CFAP20DC: variants seen among roughly 807,000 people sequenced by gnomAD.
CFAP20DC encodes the protein protein CFAP20DC.
CFAP20DC carries 84 observed loss-of-function variants against 101.7 expected under a neutral mutation model. The ratio of observed to expected loss-of-function variants is 0.83; its 90% CI spans 0.69 to 0.99. The LOEUF is 0.99. Ranked by LOEUF, CFAP20DC falls within the 50% of genes least tolerant of loss-of-function variation. The pLI, the probability that CFAP20DC is intolerant of heterozygous loss-of-function variation, is 0.00. For synonymous variants in CFAP20DC, 359 were observed against 351.2 expected (o/e 1.02, Z -0.25); for missense variants, 1,007 against 970.3 (o/e 1.04, Z -0.50).
At chr3:58,760,942 T>C (rs1223082407) in intron 15 of CFAP20DC, among the ~76,000 whole-genome samples, 2 of 152,202 alleles carry the variant, frequency 1.3e-5, no homozygotes, top group Non-Finnish European at 2.9e-5. Flanking sequence ...TTTGCCAGTA[T>C]TTTATTGAGG....
intron 15 of CFAP20DC, among the ~76,000 whole-genome samples, chr3:58,778,380 C>A (rs368516390): frequency 3.3e-5 from 5 of 152,184 alleles, no homozygotes; most frequent in African/African-American, 1.2e-4. Flanking sequence ...GGGTATTCCT[C>A]TTCGGGTGTG....
chr3:58,856,211 C>G (rs1046779443), intron 12 of CFAP20DC, among the ~76,000 whole-genome samples: 6 of 147,800 alleles, frequency 4.1e-5, no homozygotes, highest in African/African-American at 1.2e-4. Flanking sequence ...AATATTTCTT[C>G]TTGGTATTCA....
intron 15 of CFAP20DC, chr3:58,794,331 CT>C (rs2073077107): frequency 1.1e-5 from 5 of 455,448 alleles, no homozygotes; most frequent in Non-Finnish European, 1.8e-5. Context: ...GACCTAAAGG[CT>C]TTTAAAAATC....
At chr3:58,907,586 C>T (rs2107278266) in intron 6 of CFAP20DC, among the ~76,000 whole-genome samples, 1 of 152,242 alleles carries the variant, frequency 6.6e-6, no homozygotes. Flanking sequence ...CAGAGATGTT[C>T]AGAACTCATA....
intron 14 of CFAP20DC, among the ~76,000 whole-genome samples, chr3:58,829,015 T>G (rs967790856): frequency 1.3e-5 from 2 of 152,132 alleles, no homozygotes. Flanking sequence ...AATATGGATG[T>G]TGACATTATT....
intron 7 of CFAP20DC, among the ~76,000 whole-genome samples, chr3:58,880,373 G>A (rs961404049): frequency 2.6e-5 from 4 of 152,112 alleles, no homozygotes; most frequent in Non-Finnish European, 4.4e-5. Context: ...GACCTTTCCA[G>A]GCCATCACAG....
intron 4 of CFAP20DC, among the ~76,000 whole-genome samples, chr3:58,973,106 T>A (rs990119455): frequency 4.6e-5 from 7 of 152,230 alleles, no homozygotes; most frequent in Admixed American, 3.3e-4. Flanking sequence ...TTCTTTTCCA[T>A]GGGGATTATG....
chr3:58,970,799 T>C (rs2091904021), intron 4 of CFAP20DC: 1 of 152,184 alleles, frequency 6.6e-6, no homozygotes, highest in Non-Finnish European at 1.5e-5. Context: ...GATTTATAAA[T>C]GCAGGGTATT....
At chr3:58,851,570 T>A (rs934147737) in intron 12 of CFAP20DC, among the ~76,000 whole-genome samples, 1 of 152,110 alleles carries the variant, frequency 6.6e-6, no homozygotes, top group Admixed American at 6.6e-5. Context: ...TTCAAAAAGC[T>A]CCAGGAAATT....
At position 58,869,809 on chromosome 3, in the gene CFAP20DC, T is replaced by TA. The variant is rs1228319000; in HGVS notation, c.853-320dup. Reference sequence around the variant, plus strand: ...TCAGAAATTCGGAGGAAATTAAAAATAAAAAACCTAACATTTGAGAATCTG... The same window carrying TA: ...TCAGAAATTCGGAGGAAATTAAAAATAAAAAAACCTAACATTTGAGAATCTG... On this transcript the variant is annotated intron_variant, in intron 8 of 16. Coordinates refer to ENST00000482387, the MANE Select transcript of CFAP20DC (RefSeq NM_001394063.1). The surrounding 1 kb of genome is among the most constrained non-coding windows in gnomAD (Gnocchi z 4.3). 6.6e-6 allele frequency among the ~76,000 whole-genome samples: 1 copy of TA among 152,154 alleles called. No individual in the cohort carries two copies. Among genetic ancestry groups the TA allele is most frequent in the Non-Finnish European group, 1.5e-5 (1 of 68,004 alleles).
At position 58,859,997 on chromosome 3, in the gene CFAP20DC, T is replaced by A. The variant is rs2079114653; in HGVS notation, c.1593+3561A>T. Among the ~76,000 whole-genome samples the A allele has an allele frequency of 1.3e-5, 2 of 151,744 alleles. No individual in the cohort carries two copies. Among genetic ancestry groups the A allele is most frequent in the South Asian group, 4.2e-4 (2 of 4,796 alleles). On this transcript the variant is annotated intron_variant, in intron 12 of 16. Transcript: ENST00000482387. This position sits in a 1 kb window ranked among gnomAD's most constrained non-coding sequence, Gnocchi z 4.1. ...ATCGAGACCATCCTGGCCAACATGG[T>A]GAAACCCCGTCTCTACTAAAAATAC...
At chr3:58,948,897 C>T (rs866172603) in intron 4 of CFAP20DC, among the ~76,000 whole-genome samples, 10 of 152,014 alleles carry the variant, frequency 6.6e-5, no homozygotes, top group African/African-American at 2.2e-4. Context: ...TGGTAGAATT[C>T]GGCTGTGAAT....
intron 4 of CFAP20DC, among the ~76,000 whole-genome samples, chr3:59,013,787 T>A (rs1201095287): frequency 6.6e-6 from 1 of 152,192 alleles, no homozygotes; most frequent in Non-Finnish European, 1.5e-5. Flanking sequence ...AACAATTGGC[T>A]ACCATATTTA....
At chr3:58,954,094 C>G (rs1451216075) in intron 4 of CFAP20DC, among the ~76,000 whole-genome samples, 4 of 152,192 alleles carry the variant, frequency 2.6e-5, no homozygotes, top group Admixed American at 1.3e-4. Flanking sequence ...TCATTTCAAA[C>G]TTAACATCTA....
At chr3:58,951,074 AC>A (rs1313177747) in intron 4 of CFAP20DC, among the ~76,000 whole-genome samples, 2 of 152,184 alleles carry the variant, frequency 1.3e-5, no homozygotes, top group African/African-American at 4.8e-5. Flanking sequence ...GAAAAAAACA[AC>A]CCCATCAACA....
intron 15 of CFAP20DC, among the ~76,000 whole-genome samples, chr3:58,757,352 T>A (rs1157230784): frequency 6.6e-6 from 1 of 151,894 alleles, no homozygotes; most frequent in Non-Finnish European, 1.5e-5. Flanking sequence ...AGGGCATGTA[T>A]GTAATACACA....
At chr3:58,891,093 T>C (rs1485373090) in intron 6 of CFAP20DC, among the ~76,000 whole-genome samples, 1 of 149,436 alleles carries the variant, frequency 6.7e-6, no homozygotes, top group African/African-American at 2.5e-5. Context: ...GTGTAGGTTG[T>C]AGTGAGCCGA....
intron 6 of CFAP20DC, among the ~76,000 whole-genome samples, chr3:58,900,617 T>C (rs548520897): frequency 1.5e-4 from 23 of 152,308 alleles, no homozygotes; most frequent in African/African-American, 5.5e-4. Flanking sequence ...CTAACAAATA[T>C]GAAAGCATGT....
intron 4 of CFAP20DC, among the ~76,000 whole-genome samples, chr3:58,976,584 A>G (rs1166556621): frequency 6.6e-6 from 1 of 152,220 alleles, no homozygotes; most frequent in Non-Finnish European, 1.5e-5. Flanking sequence ...TGAGCAAGTC[A>G]TTGTCAAAGC....
Sources: allele counts gnomAD v4.1 joint callset (sites outside exome capture counted in the v4.1 genomes callset), GRCh38; gene constraint gnomAD v4.1.1; non-coding constraint Gnocchi (gnomAD v3.1); transcripts MANE v1.5; gene names NCBI Gene and HGNC (gene_info 2026-07-23, HGNC 2026-07-21).